Variants in GFM2 observed in about 807,000 individuals in gnomAD.
GFM2 encodes ribosome-releasing factor 2, mitochondrial.
GFM2 carries 72 observed loss-of-function variants against 95.4 expected under a neutral mutation model. That is an observed-to-expected ratio of 0.76 (90% CI 0.62 to 0.92). The LOEUF (loss-of-function observed/expected upper bound fraction) is 0.92, where lower values mean the gene tolerates loss of function less well. Among genes scored for constraint, GFM2 ranks in the 40% least tolerant of loss-of-function variants. The probability of loss-of-function intolerance (pLI) is 0.00; values close to 1 mark genes in which losing one functional copy is unlikely to be tolerated. For synonymous variants in GFM2, 276 were observed against 317.5 expected, an observed-to-expected ratio of 0.87 and a Z score of 1.39; for missense variants, 825 against 924.1, an observed-to-expected ratio of 0.89 and a Z score of 1.39.
chr5:74,730,160 T>A, intron 17 of GFM2, 100 bp downstream of exon 17: 6 of 1,111,272 alleles, frequency 5.4e-6, no homozygotes, highest in Non-Finnish European at 7.5e-6. Context: ...TCTCCTCTGA[T>A]AGAAGACATT....
intron 2 of GFM2, among the ~76,000 whole-genome samples, 189 bp from the exon 3 acceptor site, chr5:74,761,175 A>G (rs572861141): frequency 8.5e-5 from 13 of 152,370 alleles, no homozygotes; most frequent in African/African-American, 3.1e-4. Context: ...GAATAAGGAT[A>G]AAATTAATAC....
chr5:74,745,150 C>T (rs906771494), intron 10 of GFM2, among the ~76,000 whole-genome samples: 1 of 151,904 alleles, frequency 6.6e-6, no homozygotes, highest in African/African-American at 2.4e-5. Context: ...CCAGCCTGGC[C>T]AACATGATGA....
intron 2 of GFM2, among the ~76,000 whole-genome samples, chr5:74,761,603 AG>A (rs1436907403): frequency 1.3e-5 from 2 of 152,152 alleles, no homozygotes; most frequent in Non-Finnish European, 2.9e-5. Flanking sequence ...TGAGAACTGG[AG>A]GAACTGGGCA....
intron 1 of GFM2, 24 bp from the exon 2 acceptor site, chr5:74,763,790 CA>C: frequency 7.0e-7 from 1 of 1,438,548 alleles, no homozygotes. Context: ...TATACAAAAT[CA>C]AAAAACTAAA....
At position 74,751,451 on chromosome 5, in the gene GFM2, T is replaced by C. The variant is rs145433842; in HGVS notation, c.347A>G (p.Glu116Gly). 1 of 1,610,458 alleles carries C rather than the reference T, an allele frequency of 6.2e-7. No individual in the cohort carries two copies. Among genetic ancestry groups the C allele is most frequent in the African/African-American group, 1.3e-5 (1 of 74,968 alleles). The change falls in exon 6 of 21, where the codon GAG becomes GGG. Residue 116 changes from glutamate (E) to glycine (G), a missense_variant. By Grantham distance (98) the Glu-to-Gly change is moderately conservative (BLOSUM62 -2). Transcript: ENST00000296805. ...GDTVTDFMAQ[E>G]RERGITIQSA... ...TTGAATAGTAATGCCTCTTTCTCGCTCTTGGGCCATGAAATCTGTCACTGT... is the reference window on the plus strand; with the variant it reads ...TTGAATAGTAATGCCTCTTTCTCGCCCTTGGGCCATGAAATCTGTCACTGT...
intron 15 of GFM2, chr5:74,736,440 G>T (rs759102967): frequency 4.7e-5 from 46 of 983,972 alleles, no homozygotes; most frequent in Non-Finnish European, 5.3e-5. Context: ...AGGTAAAACA[G>T]CATTTTTATA....
At chr5:74,728,166 G>A (rs190627495) in intron 17 of GFM2, among the ~76,000 whole-genome samples, 1 of 152,252 alleles carries the variant, frequency 6.6e-6, no homozygotes, top group Admixed American at 6.5e-5. Flanking sequence ...GTGGGGGCTA[G>A]GCGTGCTAAA....
At chr5:74,733,122 TTTACATTTCA>T (rs768565469) in intron 15 of GFM2, 24 bp from the exon 16 acceptor site, 15 of 1,502,164 alleles carry the variant, frequency 1.0e-5, no homozygotes, top group Non-Finnish European at 1.4e-5. Context: ...AACTGTTATC[TTTACATTTCA>T]TTTTTTAAAT....
At chr5:74,731,395 G>T (rs1742553720) in intron 16 of GFM2, among the ~76,000 whole-genome samples, 1 of 152,148 alleles carries the variant, frequency 6.6e-6, no homozygotes, top group African/African-American at 2.4e-5. Context: ...GGAGACTAAA[G>T]GTCAACTACA....
chr5:74,751,164 G>A (rs899073691), intron 6 of GFM2, among the ~76,000 whole-genome samples: 34 of 152,152 alleles, frequency 2.2e-4, no homozygotes, highest in African/African-American at 7.7e-4. Flanking sequence ...TTTCATTTCT[G>A]CAAGATAAAA....
rs768265245 is a variant in GFM2, at chr5:74,745,710, T to C, written c.817A>G (p.Thr273Ala). 5.6e-6 allele frequency: 9 copies of C among 1,613,228 alleles called. No individual in the cohort carries two copies. The highest frequency in any genetic ancestry group is 4.4e-5 in the South Asian group (4 of 90,976). The change falls in exon 10 of 21, where the codon ACA becomes GCA. Residue 273 changes from threonine to alanine, a missense_variant. By Grantham distance (58) the Thr-to-Ala change is moderately conservative (BLOSUM62 0). Coordinates refer to ENST00000296805, the MANE Select transcript of GFM2 (RefSeq NM_032380.5). ...EMNDPELLKETTEARNALIEQ... is the reference protein window; with the variant it reads ...EMNDPELLKEATEARNALIEQ... ...ATTAAGGCATTCCTTGCTTCAGTTG[T>C]TTCCTTCAGCAATTCAGGATCATTC...
At chr5:74,728,945 G>A (rs969902578) in intron 17 of GFM2, among the ~76,000 whole-genome samples, 1 of 151,640 alleles carries the variant, frequency 6.6e-6, no homozygotes, top group African/African-American at 2.4e-5. Context: ...TAGTAGAAAC[G>A]GGGTCACCAT....
At chr5:74,752,454 T>C (rs142050973) in intron 5 of GFM2, among the ~76,000 whole-genome samples, 150 of 152,174 alleles carry the variant, frequency 9.9e-4, no homozygotes, top group African/African-American at 3.4e-3. Context: ...GAGGAGGAAA[T>C]AGCAAGAAAA....
At chr5:74,721,884 A>G in intron 20 of GFM2, 101 bp from the exon 21 acceptor site, 1 of 1,133,010 alleles carries the variant, frequency 8.8e-7, no homozygotes, top group Middle Eastern at 2.9e-4. Context: ...TGATGTTGCC[A>G]CTTTTGTGGC....
At chr5:74,750,734 A>C in intron 6 of GFM2, 67 bp from the exon 7 acceptor site, 131 of 1,103,290 alleles carry the variant, frequency 1.2e-4, no homozygotes, top group Non-Finnish European at 1.6e-4. Context: ...CAGCAATCTC[A>C]CATCTCACTC....
chr5:74,746,399 T>TA lies in GFM2; in HGVS notation c.609-235dup, dbSNP rs545274666. Among the ~76,000 whole-genome samples, 89 of 152,346 alleles carry TA rather than the reference T, an allele frequency of 5.8e-4. No individual in the cohort carries two copies. In the East Asian group the frequency reaches 0.014, roughly 24 times the overall value. On this transcript the variant is annotated intron_variant, in intron 8 of 20. Transcript: ENST00000296805. ...ACCCTAATCCAGCCACAGAGCTGTT[T>TA]AGGGTATTATTATTGTGAGCTTCGC...
chr5:74,722,531 C>CCAAAACTTG lies in GFM2; in HGVS notation c.2050_2058dup (p.Gln684_Leu686dup), dbSNP rs1157054168. 1 of 1,612,848 alleles carries CCAAAACTTG rather than the reference C, an allele frequency of 6.2e-7. No homozygotes were observed. Among genetic ancestry groups the CCAAAACTTG allele is most frequent in the East Asian group, 2.2e-5 (1 of 44,858 alleles). ...GTAACCTCAAGATTCATCAGAGGCT[C>CCAAAACTTG]CAAAACTTGCTTATCAGCTTTCTTC... On this transcript the variant is annotated inframe_insertion, in exon 20 of 21. Transcript: ENST00000296805.
chr5:74,734,760 C>T (rs955420530), intron 15 of GFM2, among the ~76,000 whole-genome samples: 7 of 152,040 alleles, frequency 4.6e-5, no homozygotes, highest in African/African-American at 1.7e-4. Flanking sequence ...GGGGTAAGTA[C>T]AATAAAAGCA....
chr5:74,754,757 A>T (rs1305586665), intron 5 of GFM2, among the ~76,000 whole-genome samples: 2 of 152,218 alleles, frequency 1.3e-5, no homozygotes, highest in African/African-American at 4.8e-5. Flanking sequence ...ACACAATAAT[A>T]GTGGGGGACT....
Sources: allele counts gnomAD v4.1 joint callset (sites outside exome capture counted in the v4.1 genomes callset), GRCh38; gene constraint gnomAD v4.1.1; transcripts MANE v1.5; gene names NCBI Gene and HGNC (gene_info 2026-07-23, HGNC 2026-07-21).